CTNND2: variants seen among roughly 807,000 people sequenced by gnomAD.
CTNND2 encodes the protein catenin delta-2.
In CTNND2, 22 loss-of-function variants were observed where a neutral mutation model predicts 144.4. The observed-to-expected ratio is 0.15, with a 90% CI of 0.11 to 0.22. The LOEUF (loss-of-function observed/expected upper bound fraction) is 0.22, where lower values mean the gene tolerates loss of function less well. Among genes scored for constraint, CTNND2 ranks in the 10% least tolerant of loss-of-function variants. The probability of loss-of-function intolerance (pLI) is 1.00; values close to 1 mark genes in which losing one functional copy is unlikely to be tolerated. For missense variants in CTNND2, 1,353 were observed against 1,618.8 expected (o/e 0.84, Z 2.82); for synonymous variants, 751 against 695.6 (o/e 1.08, Z -1.25).
chr5:11,853,426 C>CT (rs1795107976), intron 1 of CTNND2, among the ~76,000 whole-genome samples: 1 of 152,182 alleles, frequency 6.6e-6, no homozygotes, highest in Non-Finnish European at 1.5e-5. Flanking sequence ...GCTCAGTGGT[C>CT]TTACCACCTC....
At chr5:11,027,662 C>T (rs1256940944) in intron 16 of CTNND2, among the ~76,000 whole-genome samples, 2 of 152,038 alleles carry the variant, frequency 1.3e-5, no homozygotes, top group African/African-American at 2.4e-5. Context: ...ATTTGGTGAA[C>T]CAGTTTTCTA....
intron 14 of CTNND2, among the ~76,000 whole-genome samples, chr5:11,103,725 T>TA (rs33962989): frequency 0.2 from 28,982 of 146,762 alleles, 3,623 homozygotes; most frequent in African/African-American, 0.37. Context: ...CATACTATAT[T>TA]AAAAAAAAAA....
intron 1 of CTNND2, among the ~76,000 whole-genome samples, chr5:11,804,242 A>G (rs1791875136): frequency 2.0e-5 from 3 of 152,124 alleles, no homozygotes. Flanking sequence ...CCTCTCATTC[A>G]CTGCTGATGG....
At chr5:11,523,563 C>A (rs1463091461) in intron 3 of CTNND2, among the ~76,000 whole-genome samples, 1 of 152,200 alleles carries the variant, frequency 6.6e-6, no homozygotes, top group Non-Finnish European at 1.5e-5. Flanking sequence ...GTACAGAGTA[C>A]TAGAGGCTGG....
At chr5:11,742,090 T>G (rs1581806913) in intron 1 of CTNND2, among the ~76,000 whole-genome samples, 1 of 151,878 alleles carries the variant, frequency 6.6e-6, no homozygotes, top group African/African-American at 2.4e-5. Context: ...GACTACACAT[T>G]GGGTACAGTG....
At chr5:11,331,052 G>A (rs140195172) in intron 9 of CTNND2, among the ~76,000 whole-genome samples, 10 of 152,222 alleles carry the variant, frequency 6.6e-5, no homozygotes, top group South Asian at 6.2e-4. Context: ...AAACGTTTCC[G>A]TTTATCTAAA....
chr5:11,520,318 GC>G (rs1464302836), intron 3 of CTNND2, among the ~76,000 whole-genome samples: 3 of 152,058 alleles, frequency 2.0e-5, no homozygotes, highest in South Asian at 4.1e-4. Context: ...TATTATCACA[GC>G]CCTGCCACCA....
At chr5:11,604,735 C>A (rs1240817773) in intron 2 of CTNND2, among the ~76,000 whole-genome samples, 1 of 152,158 alleles carries the variant, frequency 6.6e-6, no homozygotes, top group Admixed American at 6.5e-5. Flanking sequence ...GTCCCAAGAT[C>A]TCAAAAAATA....
At chr5:11,526,053 G>A (rs1416699614) in intron 3 of CTNND2, among the ~76,000 whole-genome samples, 6 of 152,096 alleles carry the variant, frequency 3.9e-5, no homozygotes, top group Non-Finnish European at 7.3e-5. Context: ...GCACGTGTGT[G>A]CCACCACACA....
In CTNND2 at chr5:11,815,286, G is replaced by A. The variant is rs181307836; in HGVS notation, c.38-83014C>T. Among the ~76,000 whole-genome samples, 4 of 152,256 alleles carry A rather than the reference G, an allele frequency of 2.6e-5. No individual in the cohort carries two copies. The East Asian group carries it at 5.8e-4, about 22-fold the overall frequency. ...ACATTAAATGTTAATTAAAATTAACGTTAATGTGGAATTTTCACCTATTTT... is the reference window on the plus strand; with the variant it reads ...ACATTAAATGTTAATTAAAATTAACATTAATGTGGAATTTTCACCTATTTT... On this transcript the variant is annotated intron_variant, in intron 1 of 21. Coordinates refer to ENST00000304623, the MANE Select transcript of CTNND2 (RefSeq NM_001332.4).
intron 19 of CTNND2, among the ~76,000 whole-genome samples, chr5:10,991,936 G>A (rs1156842026): frequency 6.6e-6 from 1 of 151,938 alleles, no homozygotes; most frequent in Non-Finnish European, 1.5e-5. Context: ...TTTATTTATT[G>A]AGACGGAGTC....
chr5:11,732,166 G>T lies in CTNND2; in HGVS notation c.144C>A (p.Thr48=). ...CTTTGACTGAGGCGAGGATGGCAGAGGTGGTTTCTGTTTCAGAGCCATCCC... is the reference window on the plus strand; with the variant it reads ...CTTTGACTGAGGCGAGGATGGCAGATGTGGTTTCTGTTTCAGAGCCATCCC... The part of the protein sequence containing the change: ...SNGDGSETET[T]SAILASVKEQ... Residue 48 remains threonine (T), a synonymous_variant, in exon 2 of 22, where the codon ACC becomes ACA. Coordinates refer to ENST00000304623, the MANE Select transcript of CTNND2 (RefSeq NM_001332.4). 1 of 1,613,956 alleles carries T rather than the reference G, an allele frequency of 6.2e-7. No individual in the cohort carries two copies. Among genetic ancestry groups the T allele is most frequent in the East Asian group, 2.2e-5 (1 of 44,874 alleles).
chr5:11,311,014 ACAC>A (rs922350966), intron 9 of CTNND2, among the ~76,000 whole-genome samples: 18 of 122,374 alleles, frequency 1.5e-4, no homozygotes, highest in African/African-American at 5.1e-4. Flanking sequence ...CACCCCACAC[ACAC>A]AATACACTCA....
intron 2 of CTNND2, among the ~76,000 whole-genome samples, chr5:11,614,065 A>C (rs1248491135): frequency 6.6e-6 from 1 of 152,120 alleles, no homozygotes; most frequent in African/African-American, 2.4e-5. Context: ...AATTTTGAAA[A>C]TTCTTCCTTG....
chr5:11,889,927 T>C (rs1736832170), intron 1 of CTNND2, among the ~76,000 whole-genome samples: 1 of 152,194 alleles, frequency 6.6e-6, no homozygotes, highest in African/African-American at 2.4e-5. Flanking sequence ...TTTTAAAATA[T>C]TCTACTTTTC....
At chr5:11,633,304 A>G (rs1781504988) in intron 2 of CTNND2, among the ~76,000 whole-genome samples, 1 of 152,188 alleles carries the variant, frequency 6.6e-6, no homozygotes, top group African/African-American at 2.4e-5. Flanking sequence ...TTGACTTCTC[A>G]TCAACAACAA....
intron 12 of CTNND2, among the ~76,000 whole-genome samples, chr5:11,159,323 T>C (rs1758531582): frequency 6.6e-6 from 1 of 152,214 alleles, no homozygotes. Flanking sequence ...AATAAAAATG[T>C]TTGTTTTTCA....
intron 14 of CTNND2, among the ~76,000 whole-genome samples, chr5:11,106,879 A>G (rs927479579): frequency 2.0e-5 from 3 of 152,142 alleles, no homozygotes; most frequent in Non-Finnish European, 2.9e-5. Context: ...GTGGGGTCCT[A>G]AAGGAAAGGA....
At position 11,684,853 on chromosome 5, in the gene CTNND2, T is replaced by G. The variant is rs77339304; in HGVS notation, c.174+47283A>C. Among the ~76,000 whole-genome samples the G allele has an allele frequency of 5.8e-3, 876 of 152,324 alleles. 10 individuals carry two copies. Among genetic ancestry groups the G allele is most frequent in the African/African-American group, 0.02 (835 of 41,572 alleles). On this transcript the variant is annotated intron_variant, in intron 2 of 21. Transcript: ENST00000304623. ...TCAACTGCCTTAAAACAGGAAGCTTTTCTCTATTTCTGAAACTCCTTGAAC... is the reference window on the plus strand; with the variant it reads ...TCAACTGCCTTAAAACAGGAAGCTTGTCTCTATTTCTGAAACTCCTTGAAC...
Sources: gnomAD v4.1 joint callset for allele counts (sites outside exome capture counted in the v4.1 genomes callset) on GRCh38, gnomAD v4.1.1 for gene constraint, MANE v1.5 for transcripts, NCBI Gene and HGNC (gene_info 2026-07-23, HGNC 2026-07-21) for gene names.